Variants in SMIM21 observed in about 807,000 individuals in gnomAD.
SMIM21 encodes the protein chromosome 18 open reading frame 62.
Under a neutral mutation model 8.6 loss-of-function variants are expected in SMIM21, and 8 were observed. The ratio of observed to expected loss-of-function variants is 0.93; its 90% confidence interval spans 0.55 to 1.68. The LOEUF (loss-of-function observed/expected upper bound fraction) is 1.68. Among genes scored for constraint, SMIM21 ranks in the 40% most tolerant of loss-of-function variants. The pLI is 0.00. For missense variants in SMIM21, 132 were observed against 123.0 expected, an observed-to-expected ratio of 1.07 and a Z score of -0.35; for synonymous variants, 43 against 41.7, an observed-to-expected ratio of 1.03 and a Z score of -0.12.
intron 2 of SMIM21, among the ~76,000 whole-genome samples, chr18:75,414,357 C>G (rs900141728): frequency 6.6e-5 from 10 of 152,258 alleles, no homozygotes; most frequent in African/African-American, 1.9e-4. Context: ...AAGTACTGTG[C>G]TAGGGACTGG....
At position 75,427,597 on chromosome 18, in the gene SMIM21, C is replaced by T. The variant is rs2144564069; in HGVS notation, c.-34G>A. 1 of 1,555,318 alleles carries T rather than the reference C, an allele frequency of 6.4e-7. No homozygotes were observed. On this transcript the variant is annotated 5_prime_UTR_variant, in exon 1 of 3. Transcript: ENST00000579022. ...TGCGGCGGTGACCAGTGAGAGGTCT[C>T]CTTGATGACAGCGACTCTGAGGACA...
In SMIM21 at chr18:75,427,460, A is replaced by G. The variant is rs769174385; in HGVS notation, c.104T>C (p.Leu35Ser). The change falls in exon 1 of 3, where the codon TTG becomes TCG. Residue 35 changes from leucine to serine, a missense_variant. Physicochemically the swap from Leu to Ser is moderately radical, Grantham distance 145. Transcript: ENST00000579022. ...TGTGGTAAGTGCTTTCTTCTGCAGCAAATTCCCCTTGAATATCCGTCCCAT... is the reference window on the plus strand; with the variant it reads ...TGTGGTAAGTGCTTTCTTCTGCAGCGAATTCCCCTTGAATATCCGTCCCAT... ...AGMGRIFKGNLLQKKALTTFE... is the reference protein window; with the variant it reads ...AGMGRIFKGNSLQKKALTTFE... The G allele has an allele frequency of 6.2e-7, 1 of 1,614,090 alleles. No homozygotes were observed. The highest frequency in any genetic ancestry group is 1.1e-5 in the South Asian group (1 of 91,058).
chr18:75,411,179 T>C (rs1380781456), intron 2 of SMIM21, among the ~76,000 whole-genome samples: 1 of 152,170 alleles, frequency 6.6e-6, no homozygotes, highest in East Asian at 1.9e-4. Flanking sequence ...AAGACAGTAA[T>C]GTAGGATGCA....
intron 1 of SMIM21, among the ~76,000 whole-genome samples, chr18:75,422,075 G>A (rs532587785): frequency 2.2e-4 from 33 of 152,242 alleles, no homozygotes; most frequent in African/African-American, 5.3e-4. Flanking sequence ...TTGGGGAACC[G>A]GCTTGACCCC....
At position 75,425,344 on chromosome 18, in the gene SMIM21, C is replaced by A. The variant is rs368951347; in HGVS notation, c.129+2091G>T. On this transcript the variant is annotated intron_variant, in intron 1 of 2. Coordinates refer to ENST00000579022, the MANE Select transcript of SMIM21 (RefSeq NM_001037331.3). ...AAGAAATTAAATGTGAAGATCTGATCAGAAACATAGTGGAACCAGTGAACA... is the reference window on the plus strand; with the variant it reads ...AAGAAATTAAATGTGAAGATCTGATAAGAAACATAGTGGAACCAGTGAACA... 3.3e-5 allele frequency among the ~76,000 whole-genome samples: 5 copies of A among 152,158 alleles called. No individual in the cohort carries two copies. The East Asian group carries it at 9.7e-4, about 29-fold the overall frequency.
chr18:75,421,391 C>A (rs1458337219), intron 1 of SMIM21, among the ~76,000 whole-genome samples: 1 of 152,044 alleles, frequency 6.6e-6, no homozygotes, highest in Non-Finnish European at 1.5e-5. Context: ...AAAATCCATT[C>A]CCCTCTATGA....
chr18:75,409,957 A>G lies in SMIM21; in HGVS notation c.*907T>C, dbSNP rs1345639396. On this transcript the variant is annotated 3_prime_UTR_variant, in exon 3 of 3. Coordinates refer to ENST00000579022, the MANE Select transcript of SMIM21 (RefSeq NM_001037331.3). ...TAGAGCAGGGCTCACCTCGTCAAGG[A>G]CTTTGCAGCCGCCTTAACTTTGAGT... 2 of 152,684 alleles carry G rather than the reference A, an allele frequency of 1.3e-5. No homozygotes were observed. The highest frequency in any genetic ancestry group is 2.9e-5 in the Non-Finnish European group (2 of 68,076). The allele number at this position is 152,684 out of a possible 1,614,324, so 9.5% of individuals were successfully genotyped here.
chr18:75,411,356 A>G (rs979753626), intron 2 of SMIM21, among the ~76,000 whole-genome samples: 1 of 152,262 alleles, frequency 6.6e-6, no homozygotes, highest in Non-Finnish European at 1.5e-5. Context: ...CCATGAGACC[A>G]TTGGGCAAAG....
chr18:75,421,482 G>A (rs1003711048), intron 1 of SMIM21, among the ~76,000 whole-genome samples: 6 of 151,906 alleles, frequency 3.9e-5, no homozygotes, highest in Admixed American at 3.9e-4. Context: ...GCCACAAGTC[G>A]GGAGTGGAGG....
chr18:75,422,433 A>G (rs1345558186), intron 1 of SMIM21, among the ~76,000 whole-genome samples: 3 of 152,298 alleles, frequency 2.0e-5, no homozygotes, highest in African/African-American at 7.2e-5. Flanking sequence ...AAATAGGGTT[A>G]TCATACAACA....
In SMIM21 at chr18:75,427,674, T is replaced by G; in HGVS notation, c.-111A>C. On this transcript the variant is annotated 5_prime_UTR_variant, in exon 1 of 3. Transcript: ENST00000579022. ...ACTAAGTTCCCAAGGAGCTTTTCTC[T>G]TCTTTGCCAACCTTGAAGATCTGGG... 5.1e-6 allele frequency: 6 copies of G among 1,187,874 alleles called. No homozygotes were observed. Among genetic ancestry groups the G allele is most frequent in the Non-Finnish European group, 6.7e-6 (6 of 889,798 alleles). The allele number at this position is 1,187,874 out of a possible 1,614,324, so 73.6% of individuals were successfully genotyped here.
intron 2 of SMIM21, chr18:75,417,422 T>C (rs1193705904): frequency 6.6e-6 from 1 of 152,206 alleles, no homozygotes; most frequent in Non-Finnish European, 1.5e-5. Flanking sequence ...AAAATCTGCA[T>C]ATGAGCATGA....
chr18:75,415,975 A>G (rs1187120959), intron 2 of SMIM21: 1 of 152,256 alleles, frequency 6.6e-6, no homozygotes, highest in African/African-American at 2.4e-5. Flanking sequence ...CGCTGCAGGC[A>G]ATGTTTACTG....
At chr18:75,418,309 C>A (rs1361356409) in intron 2 of SMIM21, 1 of 394,922 alleles carries the variant, frequency 2.5e-6, no homozygotes, top group Non-Finnish European at 4.5e-6. Flanking sequence ...CTAAGCACAA[C>A]TGGAATCACT....
chr18:75,410,901 C>G lies in SMIM21; in HGVS notation c.269G>C (p.Arg90Pro). The G allele has an allele frequency of 6.2e-7, 1 of 1,613,908 alleles. No individual in the cohort carries two copies. Among genetic ancestry groups the G allele is most frequent in the East Asian group, 2.2e-5 (1 of 44,862 alleles). The change falls in exon 3 of 3, where the codon CGT (arginine) becomes CCT (proline). Residue 90 changes from arginine (R) to proline (P), a missense_variant. Arg to Pro is a moderately radical substitution (Grantham distance 103). Transcript: ENST00000579022. ...RANSIFRNFLRLKSSRNTAEA... is the reference protein window; with the variant it reads ...RANSIFRNFLPLKSSRNTAEA... Reference sequence around the variant, plus strand: ...TGCTGTGTTCCTGGATGACTTCAAACGTAGAAAGCTGCAAGAGACAAAAGG... The same window carrying G: ...TGCTGTGTTCCTGGATGACTTCAAAGGTAGAAAGCTGCAAGAGACAAAAGG...
At chr18:75,412,492 T>C (rs2024594707) in intron 2 of SMIM21, 1 of 152,180 alleles carries the variant, frequency 6.6e-6, no homozygotes. Flanking sequence ...ATCTTCCTGG[T>C]TTGTGGAAAG....
At chr18:75,415,647 A>G (rs1278411198) in intron 2 of SMIM21, among the ~76,000 whole-genome samples, 1 of 152,228 alleles carries the variant, frequency 6.6e-6, no homozygotes, top group Non-Finnish European at 1.5e-5. Flanking sequence ...TCTTCCATGG[A>G]CACACACAGA....
intron 2 of SMIM21, chr18:75,416,927 G>A (rs539078151): frequency 2.6e-5 from 4 of 152,256 alleles, no homozygotes; most frequent in South Asian, 2.1e-4. Flanking sequence ...AGGTAGAAAC[G>A]ACATGTTGGT....
chr18:75,420,007 C>G (rs2024692273), intron 1 of SMIM21, among the ~76,000 whole-genome samples: 1 of 152,136 alleles, frequency 6.6e-6, no homozygotes, highest in South Asian at 2.1e-4. Flanking sequence ...CTCCCTTCCC[C>G]CAATCCCAGC....
Sources: gnomAD v4.1 joint callset for allele counts (sites outside exome capture counted in the v4.1 genomes callset) on GRCh38, gnomAD v4.1.1 for gene constraint, MANE v1.5 for transcripts, NCBI Gene and HGNC (gene_info 2026-07-23, HGNC 2026-07-21) for gene names.